The following GRIN2A variants were observed in gnomAD, a reference collection of about 807,000 sequenced individuals.
GRIN2A encodes the protein glutamate ionotropic receptor NMDA type subunit 2A, also known as glutamate receptor ionotropic, NMDA 2A.
In GRIN2A, 22 loss-of-function variants were observed where a neutral mutation model predicts 113.4. The ratio of observed to expected loss-of-function variants is 0.19; its 90% CI spans 0.14 to 0.28. The LOEUF (loss-of-function observed/expected upper bound fraction) is 0.28, where lower values mean the gene tolerates loss of function less well. GRIN2A is among the 10% of genes least tolerant of loss of function. The pLI is 1.00. For missense variants in GRIN2A, 1,502 were observed against 1,887.0 expected, an observed-to-expected ratio of 0.80 and a Z score of 3.78; for synonymous variants, 827 against 738.4, an observed-to-expected ratio of 1.12 and a Z score of -1.94.
At chr16:9,980,285 T>A (rs9929020) in intron 2 of GRIN2A, among the ~76,000 whole-genome samples, 19,976 of 146,536 alleles carry the variant, frequency 0.14, 1,810 homozygotes, top group African/African-American at 0.25. Context: ...AAAAAGAGAG[T>A]GATACCATCT....
At chr16:10,105,654 C>T (rs867431282) in intron 2 of GRIN2A, among the ~76,000 whole-genome samples, 7 of 152,278 alleles carry the variant, frequency 4.6e-5, no homozygotes, top group Admixed American at 6.5e-5. Flanking sequence ...GTAATTCCAG[C>T]GCTTAAGGAG....
At chr16:9,928,999 A>G (rs2044528937) in intron 3 of GRIN2A, among the ~76,000 whole-genome samples, 1 of 152,248 alleles carries the variant, frequency 6.6e-6, no homozygotes, top group South Asian at 2.1e-4. Flanking sequence ...CATCAAAACA[A>G]AATCAACATT....
Position 9,762,405 on chromosome 16 carries a change from TGA to T in GRIN2A, c.*742_*743del. On this transcript the variant is annotated 3_prime_UTR_variant, in exon 13 of 13. Transcript: ENST00000330684. Reference sequence around the variant, plus strand: ...TGAACAAGACCATCGAAGCCGAGGGTGAGAGAAACACACATCAACATCCAAAG... The same window carrying T: ...TGAACAAGACCATCGAAGCCGAGGGTGAGAAACACACATCAACATCCAAAG... 1 of 225,568 alleles carries T rather than the reference TGA, an allele frequency of 4.4e-6. No individual in the cohort carries two copies. The highest frequency in any genetic ancestry group is 8.8e-6 in the Non-Finnish European group (1 of 113,030). The allele number at this position is 225,568 out of a possible 1,614,324, so 14.0% of individuals were successfully genotyped here.
intron 2 of GRIN2A, among the ~76,000 whole-genome samples, chr16:9,973,139 G>C (rs973199050): frequency 2.6e-5 from 4 of 152,168 alleles, no homozygotes; most frequent in African/African-American, 4.8e-5. Context: ...ACCGATCTTA[G>C]GTTTTACAAT....
intron 2 of GRIN2A, among the ~76,000 whole-genome samples, chr16:9,985,388 C>T (rs1297121115): frequency 6.6e-6 from 1 of 152,150 alleles, no homozygotes; most frequent in Admixed American, 6.5e-5. Flanking sequence ...GAGACATCTG[C>T]ACTCCCATAT....
intron 11 of GRIN2A, among the ~76,000 whole-genome samples, chr16:9,797,490 G>A (rs1370845850): frequency 2.0e-5 from 3 of 152,168 alleles, no homozygotes; most frequent in Non-Finnish European, 2.9e-5. Context: ...TGGCCCAAGC[G>A]GCTTTACAGT....
chr16:9,993,081 T>G (rs1292072294), intron 2 of GRIN2A, among the ~76,000 whole-genome samples: 1 of 150,320 alleles, frequency 6.7e-6, no homozygotes, highest in Non-Finnish European at 1.5e-5. Flanking sequence ...CCCCAAAAAA[T>G]TAGCCAGGTA....
At chr16:9,816,824 G>A (rs1274008322) in intron 10 of GRIN2A, among the ~76,000 whole-genome samples, 1 of 152,094 alleles carries the variant, frequency 6.6e-6, no homozygotes, top group Non-Finnish European at 1.5e-5. Flanking sequence ...GGCTCAGTGG[G>A]GCTCAGCAAT....
chr16:9,944,976 C>T (rs1480185226), intron 2 of GRIN2A, among the ~76,000 whole-genome samples: 1 of 152,030 alleles, frequency 6.6e-6, no homozygotes, highest in Non-Finnish European at 1.5e-5. Flanking sequence ...ACCCTGATTC[C>T]ATGAATTTTA....
intron 3 of GRIN2A, among the ~76,000 whole-genome samples, chr16:9,937,339 G>A (rs1332817157): frequency 6.6e-6 from 1 of 152,082 alleles, no homozygotes; most frequent in Non-Finnish European, 1.5e-5. Context: ...AATGACTTGT[G>A]TATTTTAACA....
At chr16:9,929,291 A>G (rs2044536087) in intron 3 of GRIN2A, among the ~76,000 whole-genome samples, 1 of 152,184 alleles carries the variant, frequency 6.6e-6, no homozygotes, top group African/African-American at 2.4e-5. Flanking sequence ...TGGATATCTC[A>G]AAAGTATGTC....
rs141956850 is a variant in GRIN2A, at chr16:9,763,110, C to T, written c.*39G>A. 6,188 of 1,593,420 alleles carry T rather than the reference C, an allele frequency of 3.9e-3. 17 individuals carry two copies. The highest frequency in any genetic ancestry group is 4.7e-3 in the Non-Finnish European group (5,508 of 1,163,078). ...TTACCCTCCAGAACATTGGCCATTA[C>T]GTATATTTCCCTATAGATAAAACAT... On this transcript the variant is annotated 3_prime_UTR_variant, in exon 13 of 13. Coordinates refer to ENST00000330684, the MANE Select transcript of GRIN2A (RefSeq NM_001134407.3).
intron 10 of GRIN2A, among the ~76,000 whole-genome samples, chr16:9,820,562 C>G (rs1420045): frequency 0.31 from 47,143 of 152,136 alleles, 8,048 homozygotes; most frequent in African/African-American, 0.45. Flanking sequence ...TCCATGTGTG[C>G]TGCATTCCAG....
intron 2 of GRIN2A, among the ~76,000 whole-genome samples, chr16:10,063,372 T>A (rs950340103): frequency 4.6e-5 from 7 of 152,096 alleles, no homozygotes; most frequent in Non-Finnish European, 1.0e-4. Flanking sequence ...AAGTTGAAAT[T>A]ATAATTTAAA....
intron 10 of GRIN2A, among the ~76,000 whole-genome samples, chr16:9,809,068 T>C (rs2042036352): frequency 6.6e-6 from 1 of 152,132 alleles, no homozygotes; most frequent in Admixed American, 6.5e-5. Flanking sequence ...ACATACTGCA[T>C]AGAGTTTGAT....
At chr16:10,104,666 A>G (rs1367532100) in intron 2 of GRIN2A, among the ~76,000 whole-genome samples, 2 of 152,130 alleles carry the variant, frequency 1.3e-5, no homozygotes, top group Non-Finnish European at 2.9e-5. Flanking sequence ...GACAGAGACA[A>G]GTTTCTGTAC....
At chr16:10,145,011 GA>G (rs909831529) in intron 2 of GRIN2A, among the ~76,000 whole-genome samples, 3 of 113,926 alleles carry the variant, frequency 2.6e-5, no homozygotes, top group Non-Finnish European at 5.8e-5. Flanking sequence ...AAAAAAAAAA[GA>G]AAAAAAAGTC....
intron 2 of GRIN2A, among the ~76,000 whole-genome samples, chr16:10,134,475 C>T (rs1277152048): frequency 2.6e-5 from 2 of 77,964 alleles, no homozygotes; most frequent in Non-Finnish European, 4.8e-5. Context: ...CGGGGCCTGT[C>T]AGGGGGTAGG....
intron 2 of GRIN2A, among the ~76,000 whole-genome samples, chr16:10,029,760 C>T (rs895334340): frequency 2.0e-5 from 3 of 151,954 alleles, no homozygotes; most frequent in Admixed American, 6.6e-5. Context: ...TTTGGGAGGC[C>T]GAAGGGGGTG....
Sources: gnomAD v4.1 joint callset for allele counts (sites outside exome capture counted in the v4.1 genomes callset) on GRCh38, gnomAD v4.1.1 for gene constraint, MANE v1.5 for transcripts, NCBI Gene and HGNC (gene_info 2026-07-23, HGNC 2026-07-21) for gene names.